KCTD16: variants seen among roughly 807,000 people sequenced by gnomAD.
The protein encoded by KCTD16 is potassium channel tetramerization domain containing 16.
KCTD16 carries 13 observed loss-of-function variants against 33.2 expected under a neutral mutation model. That is an observed-to-expected ratio of 0.39 (90% CI 0.25 to 0.62). KCTD16 has a LOEUF of 0.62. Ranked by LOEUF, KCTD16 falls within the 20% of genes least tolerant of loss-of-function variation. KCTD16 has a pLI of 0.50. For synonymous variants in KCTD16, 197 were observed against 195.3 expected (o/e 1.01, Z -0.07); for missense variants, 441 against 525.1 (o/e 0.84, Z 1.57).
At position 144,326,741 on chromosome 5, in the gene KCTD16, G is replaced by A. The variant is rs187684665; in HGVS notation, c.832+119195G>A. Among the ~76,000 whole-genome samples the A allele has an allele frequency of 1.3e-3, 194 of 151,950 alleles. 5 individuals are homozygous for A. The East Asian group carries it at 0.032, about 25-fold the overall frequency. ...AAAAAAAGAAAGAAAGAAAAATCCA[G>A]TTCCTTTTATTTGCCTCTAGGACCT... On this transcript the variant is annotated intron_variant, in intron 3 of 3. Transcript: ENST00000512467.
At chr5:144,466,180 G>A (rs1754327093) in intron 3 of KCTD16, among the ~76,000 whole-genome samples, 1 of 150,566 alleles carries the variant, frequency 6.6e-6, no homozygotes, top group Admixed American at 6.6e-5. Flanking sequence ...ATACTGATTG[G>A]TTGTTGAGTA....
chr5:144,302,429 G>T (rs915306314), intron 3 of KCTD16, among the ~76,000 whole-genome samples: 3 of 152,214 alleles, frequency 2.0e-5, no homozygotes, highest in Non-Finnish European at 4.4e-5. Flanking sequence ...TTTTATGGCA[G>T]GTGGTAGAAG....
intron 3 of KCTD16, among the ~76,000 whole-genome samples, chr5:144,243,752 T>G (rs1179628891): frequency 7.2e-5 from 11 of 152,154 alleles, no homozygotes; most frequent in Admixed American, 7.2e-4. Flanking sequence ...TTGTTTTGTT[T>G]TTTTTAGAGA....
chr5:144,373,412 T>C (rs966809617), intron 3 of KCTD16, among the ~76,000 whole-genome samples: 1 of 152,176 alleles, frequency 6.6e-6, no homozygotes, highest in Non-Finnish European at 1.5e-5. Context: ...GTCCAAAAAA[T>C]TTTCCATCAA....
intron 3 of KCTD16, among the ~76,000 whole-genome samples, chr5:144,273,927 T>G (rs1419188282): frequency 6.6e-6 from 1 of 151,594 alleles, no homozygotes; most frequent in Non-Finnish European, 1.5e-5. Context: ...ATGGTTAAAA[T>G]GGTAAACTTT....
chr5:144,319,113 A>G (rs906664465), intron 3 of KCTD16, among the ~76,000 whole-genome samples: 1 of 152,010 alleles, frequency 6.6e-6, no homozygotes, highest in South Asian at 2.1e-4. Context: ...TGGAATGAAT[A>G]AATAAATAAT....
intron 3 of KCTD16, among the ~76,000 whole-genome samples, chr5:144,388,246 T>A (rs1452458950): frequency 7.1e-6 from 1 of 140,898 alleles, no homozygotes; most frequent in Non-Finnish European, 1.6e-5. Flanking sequence ...CGCCCAGCTA[T>A]TTTTTTTTGT....
At chr5:144,290,148 A>G (rs2126861461) in intron 3 of KCTD16, among the ~76,000 whole-genome samples, 1 of 152,160 alleles carries the variant, frequency 6.6e-6, no homozygotes, top group Admixed American at 6.5e-5. Context: ...TACAAAAATT[A>G]TCCAGGCAAG....
At chr5:144,306,571 T>C (rs1249341561) in intron 3 of KCTD16, among the ~76,000 whole-genome samples, 2 of 152,188 alleles carry the variant, frequency 1.3e-5, no homozygotes, top group African/African-American at 4.8e-5. Flanking sequence ...CTTTACAAAC[T>C]CCTTGGCAGG....
intron 3 of KCTD16, among the ~76,000 whole-genome samples, chr5:144,457,187 G>A (rs1393110392): frequency 5.3e-5 from 8 of 152,148 alleles, no homozygotes; most frequent in South Asian, 4.1e-4. Context: ...CCAATGACTC[G>A]GGCCAGGTGG....
At chr5:144,215,869 A>G (rs889211655) in intron 3 of KCTD16, among the ~76,000 whole-genome samples, 2 of 152,260 alleles carry the variant, frequency 1.3e-5, no homozygotes, top group Non-Finnish European at 2.9e-5. Flanking sequence ...AAAACAAACA[A>G]AAATATACAG....
intron 3 of KCTD16, among the ~76,000 whole-genome samples, chr5:144,471,041 G>A (rs764139149): frequency 3.9e-5 from 6 of 152,128 alleles, no homozygotes; most frequent in African/African-American, 9.7e-5. Context: ...TTAGCCGGAC[G>A]TGGTGGCAGG....
Position 144,485,029 on chromosome 5 carries a change from T to C in KCTD16, c.*10915T>C, listed in dbSNP as rs1580999011. 1 of 152,060 alleles carries C rather than the reference T, an allele frequency of 6.6e-6. No homozygotes were observed. The highest frequency in any genetic ancestry group is 1.9e-4 in the East Asian group (1 of 5,152). 9.4% of individuals were successfully genotyped at this position (152,060 alleles called of 1,614,324 possible). A position where few individuals can be genotyped will look rare whatever the true frequency, so the allele number is the denominator to read the frequency against. On this transcript the variant is annotated 3_prime_UTR_variant, in exon 4 of 4. Coordinates refer to ENST00000512467, the MANE Select transcript of KCTD16 (RefSeq NM_020768.4). Reference sequence around the variant, plus strand: ...CTACATGTCGTCAGTTCTCAGCAGCTCAGTTATTCAGCAAAAAGTCTGCAG... The same window carrying C: ...CTACATGTCGTCAGTTCTCAGCAGCCCAGTTATTCAGCAAAAAGTCTGCAG...
intron 2 of KCTD16, among the ~76,000 whole-genome samples, chr5:144,182,096 A>AAG (rs1202576698): frequency 2.0e-5 from 3 of 151,984 alleles, no homozygotes; most frequent in African/African-American, 7.3e-5. Context: ...AAAAAAAAAA[A>AAG]AAAAAGTTAT....
At position 144,477,259 on chromosome 5, in the gene KCTD16, A is replaced by T. The variant is rs1167624622; in HGVS notation, c.*3145A>T. 5 of 152,154 alleles carry T rather than the reference A, an allele frequency of 3.3e-5. No homozygotes were observed. The highest frequency in any genetic ancestry group is 3.3e-4 in the Admixed American group (5 of 15,264). The allele number at this position is 152,154 out of a possible 1,614,324, so 9.4% of individuals were successfully genotyped here. On this transcript the variant is annotated 3_prime_UTR_variant, in exon 4 of 4. Coordinates refer to ENST00000512467, the MANE Select transcript of KCTD16 (RefSeq NM_020768.4). ...AATTGCACTGAAATGCTGACAAAAA[A>T]TAATGAAATGAAGTGGCTTCCAAAA...
At position 144,246,280 on chromosome 5, in the gene KCTD16, G is replaced by A. The variant is rs992231103; in HGVS notation, c.832+38734G>A. Among the ~76,000 whole-genome samples, 3 of 152,220 alleles carry A rather than the reference G, an allele frequency of 2.0e-5. No homozygotes were observed. In the South Asian group the frequency reaches 6.2e-4, roughly 32 times the overall value. The stretch of plus-strand genomic sequence containing the variant: ...TGTTTGGGAGTGCATTATCAAAAAA[G>A]CACTGAATATAATTCCAGGTAACAT... On this transcript the variant is annotated intron_variant, in intron 3 of 3. Transcript: ENST00000512467.
At chr5:144,317,805 G>A (rs983033582) in intron 3 of KCTD16, among the ~76,000 whole-genome samples, 1 of 152,174 alleles carries the variant, frequency 6.6e-6, no homozygotes, top group Non-Finnish European at 1.5e-5. Flanking sequence ...CCACTGACAT[G>A]TACGTTGTAT....
intron 3 of KCTD16, among the ~76,000 whole-genome samples, chr5:144,293,954 T>C (rs1294313619): frequency 6.6e-6 from 1 of 152,118 alleles, no homozygotes. Flanking sequence ...GGTCAGGAGA[T>C]AGAGACCATT....
At chr5:144,224,357 T>C (rs1753859428) in intron 3 of KCTD16, among the ~76,000 whole-genome samples, 1 of 151,120 alleles carries the variant, frequency 6.6e-6, no homozygotes, top group Non-Finnish European at 1.5e-5. Context: ...GGTTGGTATA[T>C]TATTTTTATT....
Sources: gnomAD v4.1 joint callset for allele counts (sites outside exome capture counted in the v4.1 genomes callset) on GRCh38, gnomAD v4.1.1 for gene constraint, MANE v1.5 for transcripts, NCBI Gene and HGNC (gene_info 2026-07-23, HGNC 2026-07-21) for gene names.